CEP128: variants seen among roughly 807,000 people sequenced by gnomAD.
CEP128 encodes centrosomal protein 128kDa.
In CEP128, 132 loss-of-function variants were observed where a neutral mutation model predicts 156.7. That is an observed-to-expected ratio of 0.84 (90% CI 0.73 to 0.97). The LOEUF is 0.97. Ranked by LOEUF, CEP128 falls within the 50% of genes least tolerant of loss-of-function variation. The probability of loss-of-function intolerance (pLI) is 0.00; values close to 1 mark genes in which losing one functional copy is unlikely to be tolerated. For missense variants in CEP128, 1,252 were observed against 1,281.9 expected, an observed-to-expected ratio of 0.98 and a Z score of 0.36; for synonymous variants, 469 against 448.9, an observed-to-expected ratio of 1.04 and a Z score of -0.57.
chr14:80,952,143 A>G (rs1371645258), intron 2 of CEP128, among the ~76,000 whole-genome samples: 4 of 152,114 alleles, frequency 2.6e-5, no homozygotes, highest in Admixed American at 2.6e-4. Context: ...GACTTAAACA[A>G]TACTATCAAC....
chr14:80,515,550 T>C (rs1888447713), intron 23 of CEP128, among the ~76,000 whole-genome samples: 1 of 152,174 alleles, frequency 6.6e-6, no homozygotes, highest in South Asian at 2.1e-4. Flanking sequence ...CCAGATAATG[T>C]TGAGGGCTCT....
intron 13 of CEP128, among the ~76,000 whole-genome samples, chr14:80,796,903 C>A (rs184932680): frequency 1.3e-5 from 2 of 152,278 alleles, no homozygotes; most frequent in African/African-American, 4.8e-5. Flanking sequence ...AACAAAAAGG[C>A]AGTCCTACTA....
Position 80,545,377 on chromosome 14 carries a change from TAATC to T in CEP128, c.2880+13898_2880+13901del, listed in dbSNP as rs541207858. On this transcript the variant is annotated intron_variant, in intron 21 of 24. Transcript: ENST00000555265. Reference sequence around the variant, plus strand: ...ATGAGAGAGCCAGTTTACATAATCTTAATCAATATACCAGCAATTACACTGATTT... The same window carrying T: ...ATGAGAGAGCCAGTTTACATAATCTTAATATACCAGCAATTACACTGATTT... Among the ~76,000 whole-genome samples the T allele has an allele frequency of 1.2e-3, 190 of 152,328 alleles. 1 individual carries two copies. The highest frequency in any genetic ancestry group is 1.5e-3 in the Admixed American group (23 of 15,296).
At chr14:80,513,902 T>A (rs929944353) in intron 23 of CEP128, among the ~76,000 whole-genome samples, 6 of 152,200 alleles carry the variant, frequency 3.9e-5, no homozygotes, top group African/African-American at 1.4e-4. Context: ...CTAACATAGC[T>A]AGATCTTTTT....
chr14:80,687,175 T>C (rs905920934), intron 19 of CEP128, among the ~76,000 whole-genome samples: 31 of 152,234 alleles, frequency 2.0e-4, no homozygotes, highest in East Asian at 5.8e-4. Flanking sequence ...TAATTGGAAG[T>C]AAAGCACTCC....
intron 19 of CEP128, among the ~76,000 whole-genome samples, chr14:80,598,320 G>A (rs1339626251): frequency 2.6e-5 from 4 of 152,074 alleles, no homozygotes; most frequent in African/African-American, 7.2e-5. Flanking sequence ...TACATTAGGA[G>A]TGAATGTGTA....
At chr14:80,538,891 C>T (rs1889610526) in intron 21 of CEP128, among the ~76,000 whole-genome samples, 1 of 152,182 alleles carries the variant, frequency 6.6e-6, no homozygotes, top group Admixed American at 6.5e-5. Flanking sequence ...GCAACACTTA[C>T]TGGAGCACTA....
chr14:80,806,884 T>C (rs1457635200), intron 13 of CEP128, among the ~76,000 whole-genome samples: 1 of 152,160 alleles, frequency 6.6e-6, no homozygotes, highest in African/African-American at 2.4e-5. Flanking sequence ...ATTATTGGCT[T>C]ACATCATTAT....
At chr14:80,800,129 T>C (rs762798080) in intron 13 of CEP128, among the ~76,000 whole-genome samples, 5 of 152,214 alleles carry the variant, frequency 3.3e-5, no homozygotes, top group Non-Finnish European at 7.3e-5. Flanking sequence ...GTCCTACCGA[T>C]ATGTGATGTC....
chr14:80,653,002 T>C (rs1320016690), intron 19 of CEP128, among the ~76,000 whole-genome samples: 1 of 152,134 alleles, frequency 6.6e-6, no homozygotes, highest in Non-Finnish European at 1.5e-5. Context: ...TGGAATACTA[T>C]GCAGCCATAA....
intron 6 of CEP128, among the ~76,000 whole-genome samples, chr14:80,491,378 G>A (rs745395695): frequency 6.6e-6 from 1 of 152,198 alleles, no homozygotes; most frequent in African/African-American, 2.4e-5. Context: ...GAAGTGCCTC[G>A]TTAGAACTGT....
At chr14:80,518,867 C>A (rs1343619276) in intron 23 of CEP128, among the ~76,000 whole-genome samples, 1 of 152,038 alleles carries the variant, frequency 6.6e-6, no homozygotes, top group African/African-American at 2.4e-5. Flanking sequence ...AAAGACTACC[C>A]TAAAATAAAA....
chr14:80,952,305 AAACT>A lies in CEP128; in HGVS notation c.-172+5869_-172+5872del, dbSNP rs757404304. ...AAATTTAAAAGTGTTCAAGTTATAC[AAACT>A]ATTTTCCCTGTCTATAATAGAATTA... On this transcript the variant is annotated intron_variant, in intron 2 of 7. Coordinates refer to the CEP128 transcript ENST00000555529. 4.6e-5 allele frequency among the ~76,000 whole-genome samples: 7 copies of A among 152,280 alleles called. No homozygotes were observed. In the East Asian group the frequency reaches 1.3e-3, roughly 29 times the overall value.
At chr14:80,729,058 G>GGGGGTGT (rs1898141728) in intron 19 of CEP128, among the ~76,000 whole-genome samples, 19 of 105,056 alleles carry the variant, frequency 1.8e-4, no homozygotes, top group African/African-American at 9.5e-4. Flanking sequence ...GGCTGGTGGG[G>GGGGGTGT]GTGTGTGTGT....
chr14:80,796,026 T>C (rs1438987742), intron 13 of CEP128, among the ~76,000 whole-genome samples: 1 of 152,164 alleles, frequency 6.6e-6, no homozygotes, highest in Non-Finnish European at 1.5e-5. Context: ...TTCTACCCAG[T>C]ACCATGTACT....
chr14:80,909,949 TGATG>T (rs550220205), intron 4 of CEP128, among the ~76,000 whole-genome samples: 15 of 152,310 alleles, frequency 9.8e-5, no homozygotes, highest in Non-Finnish European at 1.8e-4. Flanking sequence ...ACATTTTCTA[TGATG>T]GATGATGTTA....
At chr14:80,547,778 A>C (rs563883265) in intron 21 of CEP128, among the ~76,000 whole-genome samples, 2 of 151,856 alleles carry the variant, frequency 1.3e-5, no homozygotes, top group African/African-American at 4.8e-5. Context: ...TATTAGACAA[A>C]AGCCTACAAG....
chr14:80,532,187 GTA>G (rs201158296), intron 21 of CEP128, among the ~76,000 whole-genome samples: 9,268 of 150,668 alleles, frequency 0.062, 414 homozygotes, highest in Middle Eastern at 0.13. Context: ...TCAATTATGA[GTA>G]TATATATATA....
At chr14:80,819,239 C>CTTTTTTTTTT (rs1187431254) in intron 13 of CEP128, among the ~76,000 whole-genome samples, 3 of 82,750 alleles carry the variant, frequency 3.6e-5, no homozygotes, top group East Asian at 4.3e-4. Flanking sequence ...TGGCATCTTC[C>CTTTTTTTTTT]TTTTTTTTTT....
Sources: gnomAD v4.1 joint callset for allele counts (sites outside exome capture counted in the v4.1 genomes callset) on GRCh38, gnomAD v4.1.1 for gene constraint, MANE v1.5 for transcripts, NCBI Gene and HGNC (gene_info 2026-07-23, HGNC 2026-07-21) for gene names.